The following RANBP2 variants were observed in gnomAD, a reference collection of about 807,000 sequenced individuals.
RANBP2 encodes E3 SUMO-protein ligase RanBP2.
In RANBP2, 57 loss-of-function variants were observed where a neutral mutation model predicts 303.6. The ratio of observed to expected loss-of-function variants is 0.19; its 90% confidence interval spans 0.15 to 0.23. The LOEUF (loss-of-function observed/expected upper bound fraction) is 0.23. RANBP2 is among the 10% of genes least tolerant of loss of function. The probability of loss-of-function intolerance (pLI) is 1.00; values close to 1 mark genes in which losing one functional copy is unlikely to be tolerated. For synonymous variants in RANBP2, 1,167 were observed against 1,301.5 expected (o/e 0.90, Z 2.23); for missense variants, 3,138 against 3,780.8 (o/e 0.83, Z 4.46).
At chr2:108,748,246 C>T (rs1005598996) in intron 8 of RANBP2, among the ~76,000 whole-genome samples, 1 of 150,582 alleles carries the variant, frequency 6.6e-6, no homozygotes, top group African/African-American at 2.4e-5. Context: ...CTTACTCTGT[C>T]GCCCGGGCTG....
At chr2:109,336,519 G>A in the RANBP2 span, among the ~76,000 whole-genome samples, 20 of 152,336 alleles carry the variant, frequency 1.3e-4, no homozygotes, top group Admixed American at 2.0e-4. Flanking sequence ...GTGAGGCCCC[G>A]TGTACCCCGC....
the RANBP2 span, among the ~76,000 whole-genome samples, chr2:109,050,231 C>T: frequency 2.0e-5 from 3 of 151,794 alleles, no homozygotes; most frequent in Admixed American, 6.6e-5. Context: ...AAAACATATT[C>T]TTTGAATTAA....
At chr2:109,417,273 C>T in the RANBP2 span, among the ~76,000 whole-genome samples, 52 of 152,276 alleles carry the variant, frequency 3.4e-4, no homozygotes, top group African/African-American at 1.2e-3. Context: ...TACTTGCCCT[C>T]CAGCCCCCAC....
chr2:108,998,205 G>A, the RANBP2 span, among the ~76,000 whole-genome samples: 3 of 152,248 alleles, frequency 2.0e-5, no homozygotes, highest in East Asian at 3.9e-4. Context: ...ACAAGACCAT[G>A]ATCTCTTCTT....
chr2:109,290,628 C>T, the RANBP2 span, among the ~76,000 whole-genome samples: 2 of 152,224 alleles, frequency 1.3e-5, no homozygotes, highest in African/African-American at 2.4e-5. Context: ...CTCTGGATTC[C>T]TCCAACTCAG....
chr2:109,182,556 A>G, the RANBP2 span, among the ~76,000 whole-genome samples: 1 of 152,258 alleles, frequency 6.6e-6, no homozygotes, highest in East Asian at 1.9e-4. Flanking sequence ...CATAGAAAGC[A>G]CATGGAACTT....
the RANBP2 span, among the ~76,000 whole-genome samples, chr2:109,023,992 C>T: frequency 6.6e-6 from 1 of 152,138 alleles, no homozygotes; most frequent in Non-Finnish European, 1.5e-5. Flanking sequence ...ATGGCATGAT[C>T]TCGGCTCACC....
At chr2:108,849,347 A>G in the RANBP2 span, among the ~76,000 whole-genome samples, 1 of 152,198 alleles carries the variant, frequency 6.6e-6, no homozygotes, top group Non-Finnish European at 1.5e-5. Flanking sequence ...AAACACACAA[A>G]TCCAAGGAGC....
the RANBP2 span, among the ~76,000 whole-genome samples, chr2:109,562,544 G>C: frequency 6.6e-6 from 1 of 152,122 alleles, no homozygotes; most frequent in African/African-American, 2.4e-5. Context: ...AATTCTGACT[G>C]CAGATTTCTA....
chr2:109,160,109 C>T, the RANBP2 span, among the ~76,000 whole-genome samples: 4 of 152,110 alleles, frequency 2.6e-5, no homozygotes, highest in South Asian at 2.1e-4. Context: ...CATTATCAGT[C>T]AATTTATGGG....
chr2:109,656,387 G>T, the RANBP2 span, among the ~76,000 whole-genome samples: 1 of 152,194 alleles, frequency 6.6e-6, no homozygotes, highest in Non-Finnish European at 1.5e-5. Context: ...ACCCAGGCTG[G>T]AGTGAAGTGG....
At chr2:109,576,827 A>G in the RANBP2 span, among the ~76,000 whole-genome samples, 144 of 152,324 alleles carry the variant, frequency 9.5e-4, no homozygotes, top group African/African-American at 3.3e-3. Flanking sequence ...ATTAAGAGTA[A>G]AAGACACAGA....
At chr2:109,581,905 A>G in the RANBP2 span, among the ~76,000 whole-genome samples, 1 of 152,206 alleles carries the variant, frequency 6.6e-6, no homozygotes, top group African/African-American at 2.4e-5. Context: ...AGACAATATA[A>G]TTTCATACCT....
At chr2:109,717,916 G>T in the RANBP2 span, among the ~76,000 whole-genome samples, 1 of 151,944 alleles carries the variant, frequency 6.6e-6, no homozygotes, top group Admixed American at 6.6e-5. Flanking sequence ...TCTGTCTCAA[G>T]AAAACAAAAA....
the RANBP2 span, among the ~76,000 whole-genome samples, chr2:109,292,190 C>T: frequency 1.6e-3 from 243 of 152,282 alleles, no homozygotes; most frequent in African/African-American, 5.7e-3. Flanking sequence ...ATGTTTCTTT[C>T]TAATTAAAAG....
chr2:109,405,866 G>A, the RANBP2 span, among the ~76,000 whole-genome samples: 1 of 152,366 alleles, frequency 6.6e-6, no homozygotes, highest in Admixed American at 6.5e-5. Context: ...GCCCACAGGT[G>A]GGGCTCTCAC....
chr2:108,829,046 TAGA>T, the RANBP2 span, among the ~76,000 whole-genome samples: 5 of 152,206 alleles, frequency 3.3e-5, no homozygotes, highest in South Asian at 2.1e-4. Flanking sequence ...ATAAAACTCT[TAGA>T]AGAAGACACA....
chr2:109,070,751 C>T, the RANBP2 span, among the ~76,000 whole-genome samples: 1 of 151,630 alleles, frequency 6.6e-6, no homozygotes, highest in Non-Finnish European at 1.5e-5. Flanking sequence ...TCCCAGCTAC[C>T]GGGGAGGCTG....
chr2:109,673,148 A>C, the RANBP2 span, among the ~76,000 whole-genome samples: 1 of 152,226 alleles, frequency 6.6e-6, no homozygotes, highest in Non-Finnish European at 1.5e-5. Context: ...GACTGGGCAT[A>C]GAGTCAGCAG....
Sources: allele counts gnomAD v4.1 joint callset (sites outside exome capture counted in the v4.1 genomes callset), GRCh38; gene constraint gnomAD v4.1.1; transcripts MANE v1.5; gene names NCBI Gene and HGNC (gene_info 2026-07-23, HGNC 2026-07-21).